The following ARFGEF1 variants were observed in gnomAD, a reference collection of about 807,000 sequenced individuals.
ARFGEF1 encodes brefeldin A-inhibited guanine nucleotide-exchange protein 1.
ARFGEF1 carries 42 observed loss-of-function variants against 231.0 expected under a neutral mutation model. The observed-to-expected ratio is 0.18, with a 90% CI of 0.14 to 0.24. ARFGEF1 has a LOEUF of 0.24. Among genes scored for constraint, ARFGEF1 ranks in the 10% least tolerant of loss-of-function variants. ARFGEF1 has a pLI of 1.00. For synonymous variants in ARFGEF1, 710 were observed against 732.3 expected, an observed-to-expected ratio of 0.97 and a Z score of 0.49; for missense variants, 1,345 against 2,192.0, an observed-to-expected ratio of 0.61 and a Z score of 7.72.
intron 36 of ARFGEF1, among the ~76,000 whole-genome samples, chr8:67,202,265 TTTC>T (rs1838357439): frequency 6.6e-6 from 1 of 152,070 alleles, no homozygotes; most frequent in African/African-American, 2.4e-5. Context: ...TCTTTTTTCT[TTTC>T]TTTTTTTAAG....
At chr8:67,284,560 C>T (rs1030589608) in intron 7 of ARFGEF1, among the ~76,000 whole-genome samples, 6 of 152,168 alleles carry the variant, frequency 3.9e-5, no homozygotes, top group Non-Finnish European at 7.3e-5. Flanking sequence ...CATATAATTA[C>T]AGAAAAATCT....
chr8:67,303,975 C>G (rs180928411), intron 1 of ARFGEF1, among the ~76,000 whole-genome samples: 134 of 152,170 alleles, frequency 8.8e-4, no homozygotes, highest in African/African-American at 3.0e-3. Flanking sequence ...ACAACTTGTC[C>G]AAAGGCTGCA....
intron 34 of ARFGEF1, among the ~76,000 whole-genome samples, chr8:67,210,767 T>C (rs1838705616): frequency 6.6e-6 from 1 of 152,098 alleles, no homozygotes; most frequent in African/African-American, 2.4e-5. Flanking sequence ...AAAGAAGTGA[T>C]GACATGGCCA....
chr8:67,266,089 A>T lies in ARFGEF1; in HGVS notation c.2040T>A (p.Ser680Arg). ...GATTATCAGTGCCAGACATCTGTGT[A>T]CTGTAGCTGCCTATTCCTGATGATG... ...STSSSGIGSY[S>R]TQMSGTDNPE... The change falls in exon 14 of 39, where the codon AGT (serine) becomes AGA (arginine). Residue 680 changes from serine (S) to arginine (R), a missense_variant. Transcript: ENST00000262215. 1 of 1,613,860 alleles carries T rather than the reference A, an allele frequency of 6.2e-7. No individual in the cohort carries two copies. The highest frequency in any genetic ancestry group is 8.5e-7 in the Non-Finnish European group (1 of 1,179,854).
chr8:67,333,040 CTTT>C (rs111581499), intron 1 of ARFGEF1, among the ~76,000 whole-genome samples: 2 of 141,848 alleles, frequency 1.4e-5, no homozygotes, highest in South Asian at 2.2e-4. Context: ...AAATTAAATA[CTTT>C]TTTTTTTTTT....
chr8:67,240,312 T>A (rs1241395144), intron 19 of ARFGEF1, 22 bp from the exon 20 acceptor site: 1 of 1,577,252 alleles, frequency 6.3e-7, no homozygotes, highest in Non-Finnish European at 8.6e-7. Context: ...AAAAATTGTA[T>A]TTTAATTAAA....
intron 1 of ARFGEF1, among the ~76,000 whole-genome samples, chr8:67,324,831 C>T (rs1053604554): frequency 2.6e-5 from 4 of 151,658 alleles, no homozygotes; most frequent in Admixed American, 1.3e-4. Context: ...CTTTTAATCC[C>T]ATGGTAAAAC....
At chr8:67,273,851 C>T (rs1805202782) in intron 9 of ARFGEF1, among the ~76,000 whole-genome samples, 1 of 152,138 alleles carries the variant, frequency 6.6e-6, no homozygotes, top group Non-Finnish European at 1.5e-5. Context: ...TCTAGTCTTC[C>T]AAGGCTTACA....
chr8:67,195,810 GTT>G (rs1837832739), downstream of ARFGEF1: 1 of 503,798 alleles, frequency 2.0e-6, no homozygotes, highest in African/African-American at 1.9e-5. Flanking sequence ...TTTTTGCACA[GTT>G]TTGTCATAAA....
rs760755091 is a variant in ARFGEF1, at chr8:67,257,717, TA to T, written c.2526+14del. ...TGTACCGCTTATTGTAAAACTGACT[TA>T]AAAGAAAACATACCTGTGGACTGTG... On this transcript the variant is annotated intron_variant, in intron 17 of 38. Transcript: ENST00000262215. The T allele has an allele frequency of 6.4e-7, 1 of 1,565,448 alleles. No homozygotes were observed. Among genetic ancestry groups the T allele is most frequent in the South Asian group, 1.2e-5 (1 of 86,194 alleles).
chr8:67,250,377 T>G (rs1840242159), intron 19 of ARFGEF1, among the ~76,000 whole-genome samples: 1 of 152,198 alleles, frequency 6.6e-6, no homozygotes, highest in Non-Finnish European at 1.5e-5. Context: ...GGGAAAAGAT[T>G]CTTAATTCTA....
intron 34 of ARFGEF1, among the ~76,000 whole-genome samples, chr8:67,211,013 C>T (rs1294957304): frequency 6.8e-6 from 1 of 146,468 alleles, no homozygotes; most frequent in Non-Finnish European, 1.5e-5. Context: ...CACTGCACTC[C>T]AGCGTAGGCG....
intron 1 of ARFGEF1, among the ~76,000 whole-genome samples, chr8:67,341,017 A>C (rs932819527): frequency 3.9e-5 from 6 of 152,156 alleles, no homozygotes; most frequent in African/African-American, 1.4e-4. Context: ...GGCACATTAG[A>C]GGAGATGTGA....
At position 67,219,345 on chromosome 8, in the gene ARFGEF1, T is replaced by A. The variant is rs972559829; in HGVS notation, c.4338+86A>T. 2.1e-6 allele frequency: 3 copies of A among 1,445,928 alleles called. No individual in the cohort carries two copies. The Admixed American group carries it at 8.1e-5, about 39-fold the overall frequency. 89.6% of individuals were successfully genotyped at this position (1,445,928 alleles called of 1,614,324 possible). A position where few individuals can be genotyped will look rare whatever the true frequency, so the allele number is the denominator to read the frequency against. On this transcript the variant is annotated intron_variant, in intron 30 of 38. Transcript: ENST00000262215. ...TTTTCTAGGAATTCTTTTCTGTACT[T>A]AATTTGAAACACTAAAATGTATTGA...
At chr8:67,308,180 C>G (rs1806835353) in intron 1 of ARFGEF1, among the ~76,000 whole-genome samples, 1 of 152,158 alleles carries the variant, frequency 6.6e-6, no homozygotes, top group Admixed American at 6.5e-5. Flanking sequence ...AGCTGAGGCC[C>G]CAGACACTGT....
chr8:67,252,113 T>C (rs1840304955), intron 18 of ARFGEF1, among the ~76,000 whole-genome samples: 1 of 151,578 alleles, frequency 6.6e-6, no homozygotes, highest in Non-Finnish European at 1.5e-5. Flanking sequence ...CTACTAAAAA[T>C]ACAAAAAAAT....
chr8:67,195,727 T>TATCA, downstream of ARFGEF1: 1 of 646,692 alleles, frequency 1.5e-6, no homozygotes, highest in South Asian at 2.0e-5. Flanking sequence ...AAATTATTTT[T>TATCA]ATCATGATGT....
rs754839021 is a variant in ARFGEF1 at position 67,232,897 on chromosome 8, A to G, written c.3338T>C (p.Ile1113Thr). ...WKQIASIQES[I>T]GETSSQSVVV... ...AACACTCTGAGAACTGGTTTCTCCA[A>G]TGGATTCCTGAATACTTGCTATCTG... Residue 1113 changes from isoleucine (I) to threonine (T), a missense_variant, in exon 23 of 39, where the codon ATT becomes ACT. Physicochemically the swap from Ile to Thr is moderately conservative, Grantham distance 89. Transcript: ENST00000262215. 1 of 1,611,434 alleles carries G rather than the reference A, an allele frequency of 6.2e-7. No individual in the cohort carries two copies. The highest frequency in any genetic ancestry group is 8.5e-7 in the Non-Finnish European group (1 of 1,178,488).
rs193264114 is a variant in ARFGEF1, at chr8:67,201,681, A to C, written c.5129-76T>G. 1.9e-4 allele frequency: 301 copies of C among 1,581,716 alleles called. 2 individuals carry two copies. The highest frequency in any genetic ancestry group is 1.2e-3 in the Admixed American group (69 of 55,278). ...AAGGTGAAACAGCCCGTATGGAGGC[A>C]CATTTTGTTTGTGCTCAGCCATCAG... On this transcript the variant is annotated intron_variant, in intron 36 of 38. Transcript: ENST00000262215.
Sources: allele counts gnomAD v4.1 joint callset (sites outside exome capture counted in the v4.1 genomes callset), GRCh38; gene constraint gnomAD v4.1.1; transcripts MANE v1.5; gene names NCBI Gene and HGNC (gene_info 2026-07-23, HGNC 2026-07-21).